The following JPH3 variants were observed in gnomAD, a reference collection of about 807,000 sequenced individuals.
The protein encoded by JPH3 is junctophilin 3.
Under a neutral mutation model 59.6 loss-of-function variants are expected in JPH3, and 11 were observed. The ratio of observed to expected loss-of-function variants is 0.18; its 90% CI spans 0.12 to 0.31. The LOEUF is 0.31. Among genes scored for constraint, JPH3 ranks in the 10% least tolerant of loss-of-function variants. JPH3 has a pLI of 1.00. For synonymous variants in JPH3, 673 were observed against 483.6 expected, an observed-to-expected ratio of 1.39 and a Z score of -5.14; for missense variants, 1,202 against 1,105.7, an observed-to-expected ratio of 1.09 and a Z score of -1.24.
intron 2 of JPH3, chr16:87,683,895 C>G (rs2033353973): frequency 2.1e-6 from 1 of 487,470 alleles, no homozygotes; most frequent in Admixed American, 3.6e-5. Flanking sequence ...CGTGAGCCAC[C>G]ATGCCCTGCC....
At chr16:87,695,948 G>T (rs774563505) in intron 4 of JPH3, 1 of 455,968 alleles carries the variant, frequency 2.2e-6, no homozygotes, top group South Asian at 1.5e-5. Flanking sequence ...AGCCACTTCA[G>T]GGAGGTGGTG....
intron 1 of JPH3, among the ~76,000 whole-genome samples, chr16:87,629,645 C>G (rs1597246081): frequency 8.0e-6 from 1 of 124,812 alleles, no homozygotes; most frequent in African/African-American, 3.0e-5. Context: ...AGGTGGAACT[C>G]TGGAGACAGT....
intron 1 of JPH3, among the ~76,000 whole-genome samples, chr16:87,636,828 G>C (rs1184977790): frequency 6.6e-6 from 1 of 152,254 alleles, no homozygotes; most frequent in Non-Finnish European, 1.5e-5. Context: ...CTTAAACCTA[G>C]AGGTGGGTGC....
At chr16:87,635,206 C>A (rs72810143) in intron 1 of JPH3, among the ~76,000 whole-genome samples, 38,143 of 151,980 alleles carry the variant, frequency 0.25, 5,325 homozygotes, top group Non-Finnish European at 0.33. Flanking sequence ...CCTTGCCCCA[C>A]CCTGGGACCT....
chr16:87,640,262 A>C (rs994986996), intron 1 of JPH3, among the ~76,000 whole-genome samples: 6 of 151,698 alleles, frequency 4.0e-5, no homozygotes, highest in Non-Finnish European at 5.9e-5. Context: ...CTGGGAGGCA[A>C]AGGTTACAGT....
Position 87,666,083 on chromosome 16 carries a change from CTTT to C in JPH3, c.1161-18054_1161-18052del, listed in dbSNP as rs1195180867. 2.9e-5 allele frequency among the ~76,000 whole-genome samples: 4 copies of C among 137,924 alleles called. No homozygotes were observed. The East Asian group carries it at 8.4e-4, about 29-fold the overall frequency. The allele number at this position is 137,924 out of a possible 152,430, so 90.5% of individuals were successfully genotyped here. On this transcript the variant is annotated intron_variant, in intron 2 of 4. Coordinates refer to ENST00000284262, the MANE Select transcript of JPH3 (RefSeq NM_020655.4). ...AATATCAGGTAAATAACAGGTACTT[CTTT>C]TTTTCTCTTTTTTTTTTTTTTGAGA...
intron 1 of JPH3, among the ~76,000 whole-genome samples, chr16:87,636,659 C>G (rs74042234): frequency 6.6e-6 from 1 of 152,186 alleles, no homozygotes; most frequent in South Asian, 2.1e-4. Flanking sequence ...AGCCAAACCC[C>G]TTTTCTTACT....
At position 87,603,039 on chromosome 16, in the gene JPH3, C is replaced by T. The variant is rs1026714139; in HGVS notation, c.-108C>T. 4 of 1,461,782 alleles carry T rather than the reference C, an allele frequency of 2.7e-6. No homozygotes were observed. Among genetic ancestry groups the T allele is most frequent in the South Asian group, 2.6e-5 (2 of 77,050 alleles). 90.6% of individuals were successfully genotyped at this position (1,461,782 alleles called of 1,614,324 possible). A position where few individuals can be genotyped will look rare whatever the true frequency, so the allele number is the denominator to read the frequency against. ...GCGCTCCGGGGCCGCGTCCTCCTCT[C>T]CTCCGGAAAACGCTCGCGACCCAGG... On this transcript the variant is annotated 5_prime_UTR_variant, in exon 1 of 5. Coordinates refer to ENST00000284262, the MANE Select transcript of JPH3 (RefSeq NM_020655.4).
At chr16:87,677,225 C>CACAAAAAAA (rs1271128667) in intron 2 of JPH3, among the ~76,000 whole-genome samples, 8 of 81,726 alleles carry the variant, frequency 9.8e-5, no homozygotes, top group African/African-American at 3.4e-4. Flanking sequence ...CACACACACA[C>CACAAAAAAA]AAAAAAAAAA....
chr16:87,686,687 A>G (rs2033427267), intron 3 of JPH3, among the ~76,000 whole-genome samples: 1 of 151,020 alleles, frequency 6.6e-6, no homozygotes, highest in Non-Finnish European at 1.5e-5. Flanking sequence ...GGAGTCAGAG[A>G]TGCTTCCTGG....
intron 2 of JPH3, among the ~76,000 whole-genome samples, chr16:87,668,640 G>C (rs1406242051): frequency 1.3e-5 from 2 of 152,208 alleles, no homozygotes; most frequent in African/African-American, 4.8e-5. Context: ...CTTGCTGAGT[G>C]TTAGGTCGTG....
chr16:87,690,925 C>T (rs578155000), intron 4 of JPH3, among the ~76,000 whole-genome samples: 18 of 152,304 alleles, frequency 1.2e-4, no homozygotes, highest in East Asian at 7.7e-4. Flanking sequence ...AACCCAGAGG[C>T]GAAACAGCTG....
chr16:87,692,720 C>T lies in JPH3; in HGVS notation c.2166+2194C>T, dbSNP rs149929034. Among the ~76,000 whole-genome samples the T allele has an allele frequency of 5.5e-3, 841 of 152,360 alleles. 6 individuals are homozygous for T. The highest frequency in any genetic ancestry group is 9.8e-3 in the Non-Finnish European group (668 of 68,030). On this transcript the variant is annotated intron_variant, in intron 4 of 4. Coordinates refer to ENST00000284262, the MANE Select transcript of JPH3 (RefSeq NM_020655.4). ...CTCTACTGGTGAAGGAACTCTGGCC[C>T]TGGCTGTTTCCCTCTTGGTGAAATG...
intron 2 of JPH3, among the ~76,000 whole-genome samples, chr16:87,677,185 T>TATAC (rs1491266129): frequency 0.043 from 4,055 of 94,854 alleles, 128 homozygotes; most frequent in African/African-American, 0.05. Context: ...TATATATATA[T>TATAC]ACACACACAC....
intron 1 of JPH3, among the ~76,000 whole-genome samples, chr16:87,618,841 C>T (rs1376274982): frequency 2.0e-5 from 3 of 152,162 alleles, no homozygotes; most frequent in South Asian, 2.1e-4. Flanking sequence ...GTAATTCCAG[C>T]ACTTTGGGAG....
chr16:87,643,441 T>C (rs1174977978), intron 1 of JPH3, among the ~76,000 whole-genome samples: 1 of 147,230 alleles, frequency 6.8e-6, no homozygotes, highest in African/African-American at 2.5e-5. Flanking sequence ...CATGGGCCAC[T>C]GTCCCTTCCC....
In JPH3 at chr16:87,623,261, G is replaced by A. The variant is rs112600427; in HGVS notation, c.382+19733G>A. ...TCCCCCAAGGCCTGGCTGACACTCG[G>A]AGCCAGTATCCATAGAGGGCTGCAG... On this transcript the variant is annotated intron_variant, in intron 1 of 4. Coordinates refer to ENST00000284262, the MANE Select transcript of JPH3 (RefSeq NM_020655.4). Among the ~76,000 whole-genome samples, 34 of 152,322 alleles carry A rather than the reference G, an allele frequency of 2.2e-4. 1 individual carries two copies. Among genetic ancestry groups the A allele is most frequent in the African/African-American group, 7.9e-4 (33 of 41,576 alleles).
chr16:87,633,217 G>A (rs7198904), intron 1 of JPH3, among the ~76,000 whole-genome samples: 24,951 of 151,942 alleles, frequency 0.16, 2,823 homozygotes, highest in African/African-American at 0.32. Context: ...CTTTGTTTTC[G>A]TGGGCTTGTC....
At chr16:87,648,544 T>C (rs2032228314) in intron 2 of JPH3, among the ~76,000 whole-genome samples, 1 of 152,106 alleles carries the variant, frequency 6.6e-6, no homozygotes, top group South Asian at 2.1e-4. Context: ...GCCGGGCCCT[T>C]CCCCGGAGAG....
Sources: gnomAD v4.1 joint callset for allele counts (sites outside exome capture counted in the v4.1 genomes callset) on GRCh38, gnomAD v4.1.1 for gene constraint, MANE v1.5 for transcripts, NCBI Gene and HGNC (gene_info 2026-07-23, HGNC 2026-07-21) for gene names.